TRPC7: variants seen among roughly 807,000 people sequenced by gnomAD.
TRPC7 encodes the protein transient receptor potential cation channel subfamily C member 7.
In TRPC7, 42 loss-of-function variants were observed where a neutral mutation model predicts 90.1. That is an observed-to-expected ratio of 0.47 (90% confidence interval 0.36 to 0.60). The LOEUF is 0.60. Ranked by LOEUF, TRPC7 falls within the 20% of genes least tolerant of loss-of-function variation. The probability of loss-of-function intolerance (pLI) is 0.00; values close to 1 mark genes in which losing one functional copy is unlikely to be tolerated. For synonymous variants in TRPC7, 451 were observed against 436.3 expected (o/e 1.03, Z -0.42); for missense variants, 955 against 1,112.3 (o/e 0.86, Z 2.01).
chr5:136,284,743 C>T (rs975621320), intron 3 of TRPC7, among the ~76,000 whole-genome samples: 5 of 152,162 alleles, frequency 3.3e-5, no homozygotes, highest in African/African-American at 1.2e-4. Context: ...TGAGGAATGC[C>T]TTGTTGAGGG....
chr5:136,228,662 C>T (rs1313928204), intron 8 of TRPC7, among the ~76,000 whole-genome samples: 1 of 151,860 alleles, frequency 6.6e-6, no homozygotes, highest in Non-Finnish European at 1.5e-5. Flanking sequence ...GAGGCAGGTG[C>T]AGGTGAGTTG....
intron 2 of TRPC7, among the ~76,000 whole-genome samples, chr5:136,348,677 G>A (rs534120207): frequency 1.3e-5 from 2 of 152,234 alleles, no homozygotes; most frequent in East Asian, 3.9e-4. Flanking sequence ...TGCATGAATA[G>A]GGAATTTTCA....
At chr5:136,342,083 G>A (rs540482794) in intron 2 of TRPC7, among the ~76,000 whole-genome samples, 7 of 152,100 alleles carry the variant, frequency 4.6e-5, no homozygotes, top group Admixed American at 3.3e-4. Flanking sequence ...TTCTCCATCC[G>A]CTACTCTACC....
chr5:136,270,130 G>A (rs1195215022), intron 4 of TRPC7, among the ~76,000 whole-genome samples: 2 of 152,170 alleles, frequency 1.3e-5, no homozygotes, highest in Admixed American at 6.5e-5. Flanking sequence ...TATGTTAGGC[G>A]TTGAAGGTTG....
intron 3 of TRPC7, among the ~76,000 whole-genome samples, chr5:136,291,754 A>T (rs1757964680): frequency 6.6e-6 from 1 of 152,186 alleles, no homozygotes; most frequent in South Asian, 2.1e-4. Flanking sequence ...GTTAACAAGG[A>T]TATCCAGGAA....
At chr5:136,332,199 A>G (rs1462452974) in intron 2 of TRPC7, among the ~76,000 whole-genome samples, 1 of 152,196 alleles carries the variant, frequency 6.6e-6, no homozygotes, top group Non-Finnish European at 1.5e-5. Flanking sequence ...AAGAGGAAGA[A>G]GAGTACAAAG....
chr5:136,231,105 G>A (rs1755800193), intron 8 of TRPC7, among the ~76,000 whole-genome samples: 1 of 152,174 alleles, frequency 6.6e-6, no homozygotes. Context: ...AAGTGTAAAA[G>A]AGAGAAGACT....
intron 4 of TRPC7, among the ~76,000 whole-genome samples, chr5:136,268,713 T>G (rs1016452344): frequency 2.0e-5 from 3 of 152,224 alleles, no homozygotes; most frequent in African/African-American, 7.2e-5. Context: ...TAAACCATAA[T>G]AAAAAGTCCT....
chr5:136,347,331 C>T (rs1454307481), intron 2 of TRPC7, among the ~76,000 whole-genome samples: 2 of 152,190 alleles, frequency 1.3e-5, no homozygotes, highest in Non-Finnish European at 2.9e-5. Flanking sequence ...TGATTGCACC[C>T]AGTCTCTTCT....
chr5:136,259,809 T>C (rs1254782618), intron 5 of TRPC7, among the ~76,000 whole-genome samples: 1 of 152,228 alleles, frequency 6.6e-6, no homozygotes, highest in Non-Finnish European at 1.5e-5. Context: ...AGGATATATA[T>C]GTCTGCCAGC....
chr5:136,243,905 C>T (rs1756248049), intron 7 of TRPC7, among the ~76,000 whole-genome samples: 1 of 152,154 alleles, frequency 6.6e-6, no homozygotes, highest in Non-Finnish European at 1.5e-5. Flanking sequence ...CCTCCCCACC[C>T]TTTATCCTCT....
At chr5:136,298,306 T>G (rs576209155) in intron 3 of TRPC7, among the ~76,000 whole-genome samples, 19 of 151,842 alleles carry the variant, frequency 1.3e-4, no homozygotes, top group Non-Finnish European at 2.6e-4. Flanking sequence ...TAGCATGGAG[T>G]GCTGAAGGAA....
rs746909132 is a variant in TRPC7 at position 136,225,288 on chromosome 5, G to C, written c.2329C>G (p.Pro777Ala). Residue 777 changes from proline (P) to alanine (A), a missense_variant, in exon 10 of 12, where the codon CCC (proline) becomes GCC (alanine). By Grantham distance (27) the Pro-to-Ala change is conservative. Around this residue, in one of 4 missense-constraint regions of TRPC7, gnomAD observed 296 missense variants for 422.7 expected, o/e 0.70. Coordinates refer to ENST00000513104, the MANE Select transcript of TRPC7 (RefSeq NM_020389.3). ...GGGGTGGTTACCTGGTATCTGGTGG[G>C]CTTGCTCAAAGTGTTATTTGCTGTC... ...NLTANNTLSKPTRYQKIMKRL... is the reference protein window; with the variant it reads ...NLTANNTLSKATRYQKIMKRL... 6.2e-7 allele frequency: 1 copy of C among 1,613,090 alleles called. No individual in the cohort carries two copies.
Position 136,242,481 on chromosome 5 carries a change from T to A in TRPC7, c.1844+4990A>T, listed in dbSNP as rs144308635. Among the ~76,000 whole-genome samples, 25 of 152,260 alleles carry A rather than the reference T, an allele frequency of 1.6e-4. 1 individual carries two copies. In the Middle Eastern group the frequency reaches 0.017, roughly 104 times the overall value. On this transcript the variant is annotated intron_variant, in intron 7 of 11. Coordinates refer to ENST00000513104, the MANE Select transcript of TRPC7 (RefSeq NM_020389.3). ...CTGAAGAGGAAGGAGGCTGAAAAAT[T>A]GGGAACTATTAATAGGATCTGACTT... is the stretch of plus-strand genomic sequence containing the variant.
chr5:136,232,099 G>T (rs1755836578), intron 7 of TRPC7, among the ~76,000 whole-genome samples: 1 of 152,038 alleles, frequency 6.6e-6, no homozygotes, highest in African/African-American at 2.4e-5. Flanking sequence ...CCATTTATTG[G>T]GACTCCTGGC....
At chr5:136,354,240 A>G (rs889173311) in intron 2 of TRPC7, among the ~76,000 whole-genome samples, 1 of 152,180 alleles carries the variant, frequency 6.6e-6, no homozygotes, top group African/African-American at 2.4e-5. Context: ...TAATGTTGGT[A>G]GGTAAGGTTT....
At chr5:136,319,859 A>G (rs1759137589) in intron 2 of TRPC7, among the ~76,000 whole-genome samples, 2 of 151,242 alleles carry the variant, frequency 1.3e-5, no homozygotes, top group Admixed American at 1.3e-4. Context: ...ATTCATTTTC[A>G]TCTCCCTTAC....
intron 8 of TRPC7, among the ~76,000 whole-genome samples, chr5:136,229,757 A>G (rs1445429744): frequency 6.6e-6 from 1 of 152,172 alleles, no homozygotes; most frequent in Non-Finnish European, 1.5e-5. Context: ...ATACACAGGG[A>G]TCTTTACTTT....
intron 10 of TRPC7, among the ~76,000 whole-genome samples, chr5:136,223,399 A>T (rs527461291): frequency 5.9e-5 from 9 of 152,302 alleles, no homozygotes. Flanking sequence ...GGATCACCTG[A>T]GGTCGGGAGT....
Sources: gnomAD v4.1 joint callset for allele counts (sites outside exome capture counted in the v4.1 genomes callset) on GRCh38, gnomAD v4.1.1 for gene constraint, gnomAD v4.1.1 regional missense constraint, MANE v1.5 for transcripts, NCBI Gene and HGNC (gene_info 2026-07-23, HGNC 2026-07-21) for gene names.